Variants in ZNF521 observed in about 807,000 individuals in gnomAD.
The protein encoded by ZNF521 is LYST-interacting protein 3.
In ZNF521, 14 loss-of-function variants were observed where a neutral mutation model predicts 105.5. The observed-to-expected ratio is 0.13, with a 90% CI of 0.09 to 0.21. ZNF521 has a LOEUF of 0.21. Ranked by LOEUF, ZNF521 falls within the 10% of genes least tolerant of loss-of-function variation. ZNF521 has a pLI of 1.00. For missense variants in ZNF521, 1,233 were observed against 1,629.7 expected (o/e 0.76, Z 4.19); for synonymous variants, 635 against 606.0 (o/e 1.05, Z -0.70).
intron 4 of ZNF521, among the ~76,000 whole-genome samples, chr18:25,212,956 C>T (rs888178955): frequency 6.6e-6 from 1 of 151,388 alleles, no homozygotes; most frequent in Non-Finnish European, 1.5e-5. Flanking sequence ...CTTTGGGTGT[C>T]GTTTTACATG....
chr18:25,224,579 C>T lies in ZNF521; in HGVS notation c.3339G>A (p.Thr1113=), dbSNP rs149562357. 1.7e-5 allele frequency: 27 copies of T among 1,613,904 alleles called. No individual in the cohort carries two copies. The highest frequency in any genetic ancestry group is 5.0e-5 in the Admixed American group (3 of 59,986). Residue 1113 remains threonine (T), a synonymous_variant, in exon 4 of 8, where the codon ACG becomes ACA. Coordinates refer to ENST00000361524, the MANE Select transcript of ZNF521 (RefSeq NM_015461.3). Reference sequence around the variant, plus strand: ...CATTCTGGCCCAAGCCTGGTCTATTCGTGCCGGGAGGGACGTTAATGCCTG... The same window carrying T: ...CATTCTGGCCCAAGCCTGGTCTATTTGTGCCGGGAGGGACGTTAATGCCTG... ...ASPGINVPPG[T]NRPGLGQNEN... is the part of the protein sequence containing the mutation.
chr18:25,160,623 C>T (rs559017289), intron 5 of ZNF521, among the ~76,000 whole-genome samples: 4 of 152,150 alleles, frequency 2.6e-5, no homozygotes, highest in Non-Finnish European at 4.4e-5. Context: ...CAGATAAGTT[C>T]GCGCATATGT....
intron 5 of ZNF521, among the ~76,000 whole-genome samples, chr18:25,159,501 GACTAAC>G (rs2035210778): frequency 7.2e-6 from 1 of 138,654 alleles, no homozygotes; most frequent in Admixed American, 7.2e-5. Flanking sequence ...GAGGAGAAAC[GACTAAC>G]ACTAACAAAA....
rs577319329 is a variant in ZNF521 at position 25,240,091 on chromosome 18, A to C, written c.221-12394T>G. 6.6e-5 allele frequency among the ~76,000 whole-genome samples: 10 copies of C among 152,238 alleles called. No individual in the cohort carries two copies. The South Asian group carries it at 2.1e-3, about 32-fold the overall frequency. Reference sequence around the variant, plus strand: ...AAAGACAAATGATAGTGTAAGTCAAAAGAAAATCAGTTAACCTCTTCTGCA... The same window carrying C: ...AAAGACAAATGATAGTGTAAGTCAACAGAAAATCAGTTAACCTCTTCTGCA... On this transcript the variant is annotated intron_variant, in intron 3 of 7. Coordinates refer to ENST00000361524, the MANE Select transcript of ZNF521 (RefSeq NM_015461.3).
chr18:25,318,510 C>T (rs1448968529), intron 3 of ZNF521, among the ~76,000 whole-genome samples: 1 of 152,122 alleles, frequency 6.6e-6, no homozygotes, highest in African/African-American at 2.4e-5. Flanking sequence ...AAATATTAAA[C>T]TCAGTTTGCC....
chr18:25,153,285 T>C (rs376987556), intron 5 of ZNF521, among the ~76,000 whole-genome samples: 9 of 152,220 alleles, frequency 5.9e-5, no homozygotes, highest in African/African-American at 2.2e-4. Flanking sequence ...AATAAAAATC[T>C]GTGCTTTCAA....
intron 5 of ZNF521, among the ~76,000 whole-genome samples, chr18:25,145,863 C>T (rs1185866058): frequency 6.6e-6 from 1 of 152,124 alleles, no homozygotes; most frequent in African/African-American, 2.4e-5. Context: ...AGTGTTTAAT[C>T]TTCTTCTGGA....
At chr18:25,076,387 G>C (rs938400701) in intron 7 of ZNF521, among the ~76,000 whole-genome samples, 3 of 152,164 alleles carry the variant, frequency 2.0e-5, no homozygotes, top group Non-Finnish European at 4.4e-5. Flanking sequence ...CCAGTTCCAC[G>C]CAATGGATGT....
chr18:25,216,131 C>A (rs1362679811), intron 4 of ZNF521, among the ~76,000 whole-genome samples: 1 of 152,096 alleles, frequency 6.6e-6, no homozygotes, highest in Non-Finnish European at 1.5e-5. Context: ...ATTTTTTAAT[C>A]AACCTGTTTT....
intron 5 of ZNF521, among the ~76,000 whole-genome samples, chr18:25,123,736 G>GA (rs1309036685): frequency 9.9e-5 from 15 of 152,100 alleles, no homozygotes; most frequent in African/African-American, 3.1e-4. Flanking sequence ...GACCTACCTT[G>GA]ACCTAATGTG....
intron 5 of ZNF521, among the ~76,000 whole-genome samples, chr18:25,161,878 G>A (rs1012625285): frequency 2.0e-5 from 3 of 152,116 alleles, no homozygotes; most frequent in African/African-American, 7.2e-5. Context: ...AGACAAGCAG[G>A]TAGACTTCTG....
chr18:25,220,947 A>C (rs1217777182), intron 4 of ZNF521, among the ~76,000 whole-genome samples: 1 of 152,220 alleles, frequency 6.6e-6, no homozygotes, highest in African/African-American at 2.4e-5. Context: ...AAGGTGCTTC[A>C]TGTGTGGAAA....
chr18:25,167,564 A>G (rs1422035155), intron 5 of ZNF521, among the ~76,000 whole-genome samples: 1 of 152,198 alleles, frequency 6.6e-6, no homozygotes, highest in East Asian at 1.9e-4. Flanking sequence ...TGAAACCTCA[A>G]AAACCTTCTT....
intron 5 of ZNF521, among the ~76,000 whole-genome samples, chr18:25,184,036 T>C (rs1031300273): frequency 5.3e-5 from 8 of 152,148 alleles, no homozygotes; most frequent in Admixed American, 1.3e-4. Context: ...AACAGATTTA[T>C]AGACAGCTGA....
At chr18:25,193,791 G>T (rs565442346) in intron 5 of ZNF521, among the ~76,000 whole-genome samples, 1 of 151,964 alleles carries the variant, frequency 6.6e-6, no homozygotes, top group Non-Finnish European at 1.5e-5. Flanking sequence ...TAATATATGA[G>T]AAATCACGAA....
chr18:25,189,986 T>C (rs967774349), intron 5 of ZNF521, among the ~76,000 whole-genome samples: 1 of 152,162 alleles, frequency 6.6e-6, no homozygotes, highest in Non-Finnish European at 1.5e-5. Flanking sequence ...TGAGGAGAGA[T>C]GACCTGGCCC....
intron 5 of ZNF521, among the ~76,000 whole-genome samples, chr18:25,183,801 A>G (rs550698896): frequency 6.6e-6 from 1 of 152,292 alleles, no homozygotes; most frequent in South Asian, 2.1e-4. Context: ...CTCATTTACT[A>G]GCAGATAAAT....
At chr18:25,297,482 G>T in intron 3 of ZNF521, among the ~76,000 whole-genome samples, 1 of 151,938 alleles carries the variant, frequency 6.6e-6, no homozygotes. Context: ...TCATTGCCAG[G>T]GTGCTTTGAA....
At chr18:25,085,121 G>A (rs573067595) in intron 7 of ZNF521, among the ~76,000 whole-genome samples, 24 of 152,048 alleles carry the variant, frequency 1.6e-4, no homozygotes, top group Admixed American at 1.6e-3. Flanking sequence ...CTGGCAGCAC[G>A]CTAGGTGGCC....
Sources: gnomAD v4.1 joint callset for allele counts (sites outside exome capture counted in the v4.1 genomes callset) on GRCh38, gnomAD v4.1.1 for gene constraint, MANE v1.5 for transcripts, NCBI Gene and HGNC (gene_info 2026-07-23, HGNC 2026-07-21) for gene names.